Variants in GREB1L observed in about 807,000 individuals in gnomAD.
GREB1L encodes GREB1-like protein.
A neutral mutation model predicts 200.8 loss-of-function variants in GREB1L; 17 were observed. The observed-to-expected ratio is 0.08, with a 90% CI of 0.06 to 0.13. The LOEUF is 0.13. GREB1L is among the 10% of genes least tolerant of loss of function. GREB1L has a pLI of 1.00. For missense variants in GREB1L, 1,657 were observed against 2,367.7 expected (o/e 0.70, Z 6.23); for synonymous variants, 789 against 893.0 (o/e 0.88, Z 2.08).
intron 31 of GREB1L, among the ~76,000 whole-genome samples, chr18:21,519,748 G>T (rs1456546061): frequency 6.6e-6 from 1 of 152,156 alleles, no homozygotes; most frequent in Admixed American, 6.5e-5. Flanking sequence ...ACTGTTCATT[G>T]TTCCATGGCT....
intron 1 of GREB1L, among the ~76,000 whole-genome samples, chr18:21,278,269 G>A (rs2144389993): frequency 6.6e-6 from 1 of 151,466 alleles, no homozygotes; most frequent in African/African-American, 2.4e-5. Flanking sequence ...AATCCCAGCT[G>A]CTTGGGAGGG....
intron 19 of GREB1L, among the ~76,000 whole-genome samples, chr18:21,490,770 C>T (rs2036302899): frequency 6.6e-6 from 1 of 152,208 alleles, no homozygotes; most frequent in Non-Finnish European, 1.5e-5. Context: ...CATCTAGCCT[C>T]TCTGTGAGCT....
chr18:21,470,395 AT>A (rs1483001802), intron 15 of GREB1L, among the ~76,000 whole-genome samples: 2 of 152,164 alleles, frequency 1.3e-5, no homozygotes, highest in Non-Finnish European at 2.9e-5. Flanking sequence ...TATTTAGATC[AT>A]TTTTAACATA....
At chr18:21,249,270 G>C (rs1201081914) in intron 1 of GREB1L, among the ~76,000 whole-genome samples, 1 of 152,114 alleles carries the variant, frequency 6.6e-6, no homozygotes, top group Non-Finnish European at 1.5e-5. Context: ...AGTAGGATGG[G>C]TTGACTTTCA....
chr18:21,338,733 C>T (rs2039224370), intron 1 of GREB1L, among the ~76,000 whole-genome samples: 1 of 152,230 alleles, frequency 6.6e-6, no homozygotes, highest in Admixed American at 6.5e-5. Flanking sequence ...TGTTTTTCAA[C>T]TTAAGCCACC....
At chr18:21,298,630 T>TA (rs1340858757) in intron 1 of GREB1L, among the ~76,000 whole-genome samples, 1 of 152,170 alleles carries the variant, frequency 6.6e-6, no homozygotes, top group Non-Finnish European at 1.5e-5. Flanking sequence ...TGTAACCAAT[T>TA]AAAAATACTT....
At chr18:21,401,443 G>T (rs2041311520) in intron 6 of GREB1L, 117 bp downstream of exon 6, 5 of 828,694 alleles carry the variant, frequency 6.0e-6, no homozygotes, top group Admixed American at 6.0e-5. Flanking sequence ...AGTTCAGAAG[G>T]ATATCCCAAA....
At chr18:21,264,399 G>C (rs550662755) in intron 1 of GREB1L, among the ~76,000 whole-genome samples, 8 of 151,880 alleles carry the variant, frequency 5.3e-5, no homozygotes, top group African/African-American at 1.9e-4. Flanking sequence ...TACTCTATTC[G>C]ATGCTAATAA....
intron 5 of GREB1L, among the ~76,000 whole-genome samples, chr18:21,400,821 T>G (rs1362482847): frequency 6.6e-6 from 1 of 152,134 alleles, no homozygotes; most frequent in Admixed American, 6.5e-5. Flanking sequence ...TAATAGACAT[T>G]CTAGAACCAA....
intron 1 of GREB1L, among the ~76,000 whole-genome samples, chr18:21,322,369 C>T (rs2038963778): frequency 6.6e-6 from 1 of 152,050 alleles, no homozygotes; most frequent in South Asian, 2.1e-4. Flanking sequence ...TTTTTATTGT[C>T]TAATTTCAGT....
chr18:21,379,835 T>G (rs2040230802), intron 2 of GREB1L, among the ~76,000 whole-genome samples: 1 of 152,190 alleles, frequency 6.6e-6, no homozygotes, highest in South Asian at 2.1e-4. Context: ...CTTTAAAAAT[T>G]TTTAATGTTT....
At chr18:21,347,290 A>G (rs967167567) in intron 1 of GREB1L, among the ~76,000 whole-genome samples, 117 of 151,506 alleles carry the variant, frequency 7.7e-4, no homozygotes, top group Non-Finnish European at 1.4e-3. Flanking sequence ...AAAAAAAAAA[A>G]CAAACAAAAA....
chr18:21,250,130 A>G (rs1455225254), intron 1 of GREB1L, among the ~76,000 whole-genome samples: 2 of 152,136 alleles, frequency 1.3e-5, no homozygotes, highest in Non-Finnish European at 2.9e-5. Flanking sequence ...TAGAGGGGCA[A>G]CTAGGAGGCC....
At chr18:21,404,554 G>A (rs2029946244) in intron 7 of GREB1L, among the ~76,000 whole-genome samples, 2 of 152,192 alleles carry the variant, frequency 1.3e-5, no homozygotes, top group Non-Finnish European at 2.9e-5. Flanking sequence ...AGGATCAGCA[G>A]AATGACTGAT....
intron 13 of GREB1L, chr18:21,451,397 C>T (rs960728751): frequency 1.9e-5 from 5 of 257,234 alleles, no homozygotes; most frequent in East Asian, 1.5e-4. Context: ...TGACCTTGGG[C>T]GAGTTTCTCT....
intron 16 of GREB1L, among the ~76,000 whole-genome samples, chr18:21,476,735 A>AT (rs1041709517): frequency 6.6e-5 from 9 of 137,000 alleles, no homozygotes; most frequent in African/African-American, 9.3e-5. Flanking sequence ...CACCCAGCTA[A>AT]TTTTTTTTGT....
chr18:21,403,022 T>C (rs1211576719), intron 6 of GREB1L, among the ~76,000 whole-genome samples: 1 of 152,116 alleles, frequency 6.6e-6, no homozygotes, highest in East Asian at 1.9e-4. Flanking sequence ...GGTCATAGCA[T>C]AGAAGGTTAT....
At chr18:21,253,657 TA>T (rs2037750739) in intron 1 of GREB1L, among the ~76,000 whole-genome samples, 1 of 152,190 alleles carries the variant, frequency 6.6e-6, no homozygotes, top group Non-Finnish European at 1.5e-5. Flanking sequence ...GTGAGAATGA[TA>T]TTAACAAATC....
chr18:21,407,033 C>A (rs1183130010), intron 7 of GREB1L, among the ~76,000 whole-genome samples: 1 of 152,078 alleles, frequency 6.6e-6, no homozygotes, highest in Admixed American at 6.5e-5. Context: ...TGCCACCACG[C>A]CCGGCTGATT....
Sources: allele counts gnomAD v4.1 joint callset (sites outside exome capture counted in the v4.1 genomes callset), GRCh38; gene constraint gnomAD v4.1.1; transcripts MANE v1.5; gene names NCBI Gene and HGNC (gene_info 2026-07-23, HGNC 2026-07-21).